Variants in CLASP2 observed in about 807,000 individuals in gnomAD.
The protein encoded by CLASP2 is cytoplasmic linker associated protein 2.
Under a neutral mutation model 194.4 loss-of-function variants are expected in CLASP2, and 47 were observed. The observed-to-expected ratio is 0.24, with a 90% CI of 0.19 to 0.31. CLASP2 has a LOEUF of 0.31. Among genes scored for constraint, CLASP2 ranks in the 10% least tolerant of loss-of-function variants. The pLI, the probability that CLASP2 is intolerant of heterozygous loss-of-function variation, is 1.00. For missense variants in CLASP2, 1,445 were observed against 1,823.6 expected (o/e 0.79, Z 3.78); for synonymous variants, 619 against 633.5 (o/e 0.98, Z 0.34).
At chr3:33,677,318 T>C (rs1195279547) in intron 6 of CLASP2, among the ~76,000 whole-genome samples, 2 of 150,992 alleles carry the variant, frequency 1.3e-5, no homozygotes, top group Admixed American at 1.3e-4. Context: ...TGTCCAACAA[T>C]GATAGACTGG....
At chr3:33,528,533 G>A (rs1398930193) in intron 34 of CLASP2, among the ~76,000 whole-genome samples, 1 of 152,136 alleles carries the variant, frequency 6.6e-6, no homozygotes, top group Non-Finnish European at 1.5e-5. Flanking sequence ...ATGCCGAGAT[G>A]GGTGGCTCAC....
intron 8 of CLASP2, among the ~76,000 whole-genome samples, chr3:33,634,532 C>T (rs2079739230): frequency 6.6e-6 from 1 of 152,064 alleles, no homozygotes; most frequent in Non-Finnish European, 1.5e-5. Flanking sequence ...CTGGTGTAGA[C>T]AGAAAAGTCA....
At chr3:33,649,479 A>G (rs1483223007) in intron 7 of CLASP2, among the ~76,000 whole-genome samples, 1 of 152,226 alleles carries the variant, frequency 6.6e-6, no homozygotes. Context: ...TGAAAGCATT[A>G]CTAAGTTATT....
intron 6 of CLASP2, among the ~76,000 whole-genome samples, chr3:33,673,132 C>G (rs747460537): frequency 5.3e-5 from 8 of 152,128 alleles, no homozygotes; most frequent in Admixed American, 3.9e-4. Flanking sequence ...CTCCAAGACA[C>G]ATAATTGTCA....
intron 29 of CLASP2, 103 bp from the exon 30 acceptor site, chr3:33,551,498 A>C: frequency 1.2e-6 from 1 of 852,704 alleles, no homozygotes. Context: ...TTTTTTTTTT[A>C]TATACAGATA....
intron 33 of CLASP2, 68 bp from the exon 34 acceptor site, chr3:33,535,529 A>T: frequency 1.6e-6 from 2 of 1,245,992 alleles, no homozygotes; most frequent in Non-Finnish European, 2.3e-6. Flanking sequence ...ACATTCTAAA[A>T]AGATATTTCT....
intron 22 of CLASP2, among the ~76,000 whole-genome samples, chr3:33,583,634 ACT>A (rs2066645001): frequency 6.6e-6 from 1 of 151,826 alleles, no homozygotes; most frequent in Non-Finnish European, 1.5e-5. Flanking sequence ...AAAATTGATA[ACT>A]CTAAGAGTGG....
In CLASP2 at chr3:33,684,359, C is replaced by T. The variant is rs576671640; in HGVS notation, c.644G>A (p.Arg215Lys). 1.4e-5 allele frequency: 22 copies of T among 1,562,710 alleles called. No individual in the cohort carries two copies. In the Admixed American group the frequency reaches 3.2e-4, roughly 23 times the overall value. ...AAGAACCAAATTTAGCAAGACTTAC[C>T]TAGCAGGGGGAATTCCTCTCTTATA... ...DLYKRGIPPA[R>K]LEMIFAKFDE... The change falls in exon 6 of 39, where the codon AGA (arginine) becomes AAA (lysine). Residue 215 changes from arginine to lysine, a missense_variant and splice_region_variant. Arg to Lys is a conservative substitution (Grantham distance 26). Coordinates refer to ENST00000682230, the MANE Select transcript of CLASP2 (RefSeq NM_001365631.1).
chr3:33,657,588 GTT>G (rs1177742069), intron 7 of CLASP2, among the ~76,000 whole-genome samples: 1 of 144,124 alleles, frequency 6.9e-6, no homozygotes. Flanking sequence ...ATTAGGTTTG[GTT>G]TTTTTTTTTT....
At chr3:33,554,995 CAA>C (rs1441278900) in intron 29 of CLASP2, 2 of 152,004 alleles carry the variant, frequency 1.3e-5, no homozygotes, top group African/African-American at 2.4e-5. Context: ...ATTAAAACAA[CAA>C]AAAGAGACCT....
intron 25 of CLASP2, among the ~76,000 whole-genome samples, chr3:33,571,845 C>A (rs1208555433): frequency 6.6e-6 from 1 of 152,040 alleles, no homozygotes; most frequent in African/African-American, 2.4e-5. Flanking sequence ...AAAAAATCAA[C>A]CCTAAAAATT....
rs1209866602 is a variant in CLASP2, at chr3:33,704,550, G to A, written c.196-7617C>T. ...GTGGATCACCTGAGGTCAGGAGATCGAGACCATCCTGGCTAACACGGTGAA... is the reference window on the plus strand; with the variant it reads ...GTGGATCACCTGAGGTCAGGAGATCAAGACCATCCTGGCTAACACGGTGAA... On this transcript the variant is annotated intron_variant, in intron 1 of 38. Coordinates refer to ENST00000682230, the MANE Select transcript of CLASP2 (RefSeq NM_001365631.1). 7.9e-5 allele frequency among the ~76,000 whole-genome samples: 12 copies of A among 152,016 alleles called. 1 individual carries two copies. The highest frequency in any genetic ancestry group is 8.8e-5 in the Non-Finnish European group (6 of 67,998).
chr3:33,580,113 A>C (rs1049429056), intron 23 of CLASP2, among the ~76,000 whole-genome samples: 8 of 152,184 alleles, frequency 5.3e-5, no homozygotes, highest in Non-Finnish European at 1.5e-5. Flanking sequence ...CCACAGAGGG[A>C]AAAGAAAGAG....
intron 3 of CLASP2, among the ~76,000 whole-genome samples, chr3:33,689,351 A>G (rs2154347502): frequency 6.6e-6 from 1 of 152,080 alleles, no homozygotes; most frequent in East Asian, 1.9e-4. Context: ...AAATGAATAA[A>G]CGAGAGTGGA....
chr3:33,554,423 T>C (rs999562085), intron 29 of CLASP2, among the ~76,000 whole-genome samples: 11 of 152,142 alleles, frequency 7.2e-5, no homozygotes, highest in African/African-American at 2.7e-4. Context: ...ACAAATACTG[T>C]ATGATCTTAT....
intron 1 of CLASP2, among the ~76,000 whole-genome samples, chr3:33,713,012 CAAAAAA>C (rs57940200): frequency 0.35 from 16,172 of 45,690 alleles, 793 homozygotes; most frequent in Admixed American, 0.47. Flanking sequence ...AACTCCACCT[CAAAAAA>C]AAAAAAAAAA....
intron 6 of CLASP2, among the ~76,000 whole-genome samples, chr3:33,674,224 A>C (rs546071976): frequency 6.6e-6 from 1 of 152,332 alleles, no homozygotes; most frequent in Admixed American, 6.5e-5. Flanking sequence ...GTAAAAGAAC[A>C]GAAATTATAA....
intron 29 of CLASP2, among the ~76,000 whole-genome samples, chr3:33,552,698 T>C (rs752312888): frequency 2.3e-4 from 35 of 152,280 alleles, no homozygotes; most frequent in Admixed American, 5.2e-4. Context: ...AGTCACCCCT[T>C]TTCTGTGTGT....
At chr3:33,533,236 C>T (rs2056690161) in intron 34 of CLASP2, among the ~76,000 whole-genome samples, 1 of 152,142 alleles carries the variant, frequency 6.6e-6, no homozygotes, top group African/African-American at 2.4e-5. Flanking sequence ...AATGTTACAC[C>T]ACTATCATGA....
Sources: gnomAD v4.1 joint callset for allele counts (sites outside exome capture counted in the v4.1 genomes callset) on GRCh38, gnomAD v4.1.1 for gene constraint, MANE v1.5 for transcripts, NCBI Gene and HGNC (gene_info 2026-07-23, HGNC 2026-07-21) for gene names.